Variants in UBE3A observed in about 807,000 individuals in gnomAD.
UBE3A encodes ubiquitin protein ligase E3A, also known as ubiquitin-protein ligase E3A.
UBE3A carries 6 observed loss-of-function variants against 83.4 expected under a neutral mutation model. That is an observed-to-expected ratio of 0.07 (90% confidence interval 0.04 to 0.14). UBE3A has a LOEUF of 0.14. Ranked by LOEUF, UBE3A falls within the 10% of genes least tolerant of loss-of-function variation. The pLI, the probability that UBE3A is intolerant of heterozygous loss-of-function variation, is 1.00. For missense variants in UBE3A, 456 were observed against 1,036.1 expected (o/e 0.44, Z 7.69); for synonymous variants, 337 against 355.4 (o/e 0.95, Z 0.58).
rs1249352341 is a variant in UBE3A, at chr15:25,335,067, AG to A, written c.*4069del. 3 of 152,284 alleles carry A rather than the reference AG, an allele frequency of 2.0e-5. No individual in the cohort carries two copies. The highest frequency in any genetic ancestry group is 2.0e-4 in the Admixed American group (3 of 15,294). The allele number at this position is 152,284 out of a possible 1,614,324, so 9.4% of individuals were successfully genotyped here. A position where few individuals can be genotyped will look rare whatever the true frequency, so the allele number is the denominator to read the frequency against. ...AGGCAAAGGTTATTAGAAGAAAAAAAGATGTAAGAAAATTCCTTAACTGAAA... is the reference window on the plus strand; with the variant it reads ...AGGCAAAGGTTATTAGAAGAAAAAAAATGTAAGAAAATTCCTTAACTGAAA... On this transcript the variant is annotated 3_prime_UTR_variant, in exon 13 of 13. Coordinates refer to ENST00000648336, the MANE Select transcript of UBE3A (RefSeq NM_130839.5).
chr15:25,421,941 T>C (rs1889935289), intron 1 of UBE3A: 1 of 152,172 alleles, frequency 6.6e-6, no homozygotes, highest in South Asian at 2.1e-4. Context: ...GACCCAGTAA[T>C]TCCAATTTAA....
At chr15:25,341,937 T>A (rs1028142531) in intron 11 of UBE3A, among the ~76,000 whole-genome samples, 1 of 152,168 alleles carries the variant, frequency 6.6e-6, no homozygotes, top group Admixed American at 6.5e-5. Context: ...CAACACCATT[T>A]ATCTGAAATA....
intron 1 of UBE3A, among the ~76,000 whole-genome samples, chr15:25,430,996 T>C (rs936816906): frequency 6.6e-6 from 1 of 152,188 alleles, no homozygotes; most frequent in Non-Finnish European, 1.5e-5. Flanking sequence ...AGCAATAAAT[T>C]TAAAGAAATA....
At chr15:25,420,799 T>A (rs144875976) in intron 1 of UBE3A, 4 of 152,186 alleles carry the variant, frequency 2.6e-5, no homozygotes, top group Non-Finnish European at 4.4e-5. Context: ...GCAATTCCAC[T>A]CCTAAGTACA....
At chr15:25,437,841 A>G (rs887062235) in intron 1 of UBE3A, among the ~76,000 whole-genome samples, 3 of 149,578 alleles carry the variant, frequency 2.0e-5, no homozygotes, top group Non-Finnish European at 4.5e-5. Context: ...TTCATTTTCT[A>G]CACTGAAAAG....
At chr15:25,397,503 C>T (rs529671541) in intron 4 of UBE3A, among the ~76,000 whole-genome samples, 2 of 152,240 alleles carry the variant, frequency 1.3e-5, no homozygotes, top group South Asian at 4.1e-4. Flanking sequence ...GGCTATCCCC[C>T]ATCTTCAACT....
intron 4 of UBE3A, among the ~76,000 whole-genome samples, chr15:25,387,833 T>C (rs970935210): frequency 6.6e-6 from 1 of 152,168 alleles, no homozygotes; most frequent in Non-Finnish European, 1.5e-5. Context: ...CAAGGGATAT[T>C]ATGAACAACT....
intron 4 of UBE3A, among the ~76,000 whole-genome samples, chr15:25,378,412 T>C (rs1014966127): frequency 6.6e-6 from 1 of 152,192 alleles, no homozygotes; most frequent in Non-Finnish European, 1.5e-5. Context: ...CCTTCAGTTC[T>C]AATTTTAAAG....
chr15:25,386,706 G>T (rs1440275387), intron 4 of UBE3A, among the ~76,000 whole-genome samples: 2 of 150,802 alleles, frequency 1.3e-5, no homozygotes, highest in Non-Finnish European at 3.0e-5. Flanking sequence ...TAAGCCAGAG[G>T]GAAAAAATCA....
chr15:25,375,417 C>G (rs375341262), intron 5 of UBE3A, 48 bp downstream of exon 5: 2 of 1,596,420 alleles, frequency 1.3e-6, no homozygotes, highest in Admixed American at 3.4e-5. Flanking sequence ...TTAAATCTCC[C>G]ACATGGTTTT....
At chr15:25,339,487 C>T (rs1018329559) in intron 12 of UBE3A, 6 of 418,460 alleles carry the variant, frequency 1.4e-5, no homozygotes, top group Non-Finnish European at 2.1e-5. Flanking sequence ...TGAGTTTTTA[C>T]TACATAACAG....
intron 4 of UBE3A, among the ~76,000 whole-genome samples, chr15:25,396,095 G>A (rs1035785500): frequency 1.4e-4 from 21 of 150,766 alleles, no homozygotes; most frequent in Non-Finnish European, 2.8e-4. Flanking sequence ...TCAGCTACTC[G>A]GGTGGCTGAG....
At chr15:25,432,498 G>A (rs563703365) in intron 1 of UBE3A, among the ~76,000 whole-genome samples, 2 of 152,304 alleles carry the variant, frequency 1.3e-5, no homozygotes, top group South Asian at 4.1e-4. Context: ...GTATGCAAGA[G>A]TGCTTGTCTT....
intron 4 of UBE3A, among the ~76,000 whole-genome samples, chr15:25,384,459 CAAAAAAA>C (rs1306982756): frequency 1.4e-5 from 1 of 70,180 alleles, no homozygotes; most frequent in Admixed American, 1.7e-4. Flanking sequence ...GACTCTGTCT[CAAAAAAA>C]AAAAAAAAAG....
At chr15:25,399,222 A>C (rs1051764039) in intron 4 of UBE3A, among the ~76,000 whole-genome samples, 2 of 151,904 alleles carry the variant, frequency 1.3e-5, no homozygotes, top group Non-Finnish European at 2.9e-5. Flanking sequence ...CTCATTCATC[A>C]ATTTTTATTT....
intron 4 of UBE3A, among the ~76,000 whole-genome samples, chr15:25,382,755 T>C (rs1260345328): frequency 6.6e-6 from 1 of 151,848 alleles, no homozygotes; most frequent in Admixed American, 6.6e-5. Flanking sequence ...CAACTGGAAA[T>C]TAGAAAGGCG....
At chr15:25,425,068 G>C (rs890021398) in intron 1 of UBE3A, among the ~76,000 whole-genome samples, 6 of 152,000 alleles carry the variant, frequency 3.9e-5, no homozygotes, top group African/African-American at 1.4e-4. Context: ...AAAAGAATAA[G>C]TTAGAATACT....
At chr15:25,412,391 A>T (rs1215853077) in intron 1 of UBE3A, among the ~76,000 whole-genome samples, 1 of 152,198 alleles carries the variant, frequency 6.6e-6, no homozygotes, top group Non-Finnish European at 1.5e-5. Flanking sequence ...ACCACTTTCT[A>T]GAGTAGCAGC....
intron 4 of UBE3A, among the ~76,000 whole-genome samples, chr15:25,383,326 A>G (rs962093716): frequency 1.3e-5 from 2 of 152,142 alleles, no homozygotes; most frequent in Admixed American, 1.3e-4. Context: ...ATTTGACAAA[A>G]ATCAACACCC....
Sources: gnomAD v4.1 joint callset for allele counts (sites outside exome capture counted in the v4.1 genomes callset) on GRCh38, gnomAD v4.1.1 for gene constraint, MANE v1.5 for transcripts, NCBI Gene and HGNC (gene_info 2026-07-23, HGNC 2026-07-21) for gene names.